The following CDH13 variants were observed in gnomAD, a reference collection of about 807,000 sequenced individuals.
CDH13 encodes the protein cadherin 13, also known as cadherin-13.
In CDH13, 24 loss-of-function variants were observed where a neutral mutation model predicts 63.8. The ratio of observed to expected loss-of-function variants is 0.38; its 90% CI spans 0.27 to 0.53. The LOEUF (loss-of-function observed/expected upper bound fraction) is 0.53, where lower values mean the gene tolerates loss of function less well. Ranked by LOEUF, CDH13 falls within the 20% of genes least tolerant of loss-of-function variation. The pLI is 0.85. For synonymous variants in CDH13, 503 were observed against 355.3 expected, an observed-to-expected ratio of 1.42 and a Z score of -4.67; for missense variants, 1,049 against 903.1, an observed-to-expected ratio of 1.16 and a Z score of -2.07.
intron 2 of CDH13, among the ~76,000 whole-genome samples, chr16:82,918,535 G>C (rs936327627): frequency 7.6e-6 from 1 of 131,630 alleles, no homozygotes; most frequent in Non-Finnish European, 1.6e-5. Context: ...TTGAGACATA[G>C]TGTCACTCTG....
chr16:83,542,366 G>A (rs2075310074), intron 7 of CDH13, among the ~76,000 whole-genome samples: 1 of 152,176 alleles, frequency 6.6e-6, no homozygotes. Flanking sequence ...ACACTAGCCT[G>A]CGGCAGAATC....
intron 1 of CDH13, among the ~76,000 whole-genome samples, chr16:82,764,379 A>G (rs767993716): frequency 2.6e-5 from 4 of 152,158 alleles, no homozygotes; most frequent in Admixed American, 1.3e-4. Context: ...CTACTCTCTG[A>G]GGAGGATTCT....
intron 1 of CDH13, among the ~76,000 whole-genome samples, chr16:82,788,501 G>T (rs1038218935): frequency 6.6e-6 from 1 of 152,166 alleles, no homozygotes; most frequent in African/African-American, 2.4e-5. Flanking sequence ...CACCACTGCT[G>T]GTCTTTAACT....
At chr16:82,884,316 CA>C in intron 2 of CDH13, 2 of 422,728 alleles carry the variant, frequency 4.7e-6, no homozygotes, top group South Asian at 3.4e-5. Flanking sequence ...GAAAAGGAGG[CA>C]ACCTGGGGAG....
At chr16:83,523,007 A>G (rs1259856775) in intron 7 of CDH13, among the ~76,000 whole-genome samples, 1 of 152,144 alleles carries the variant, frequency 6.6e-6, no homozygotes, top group Non-Finnish European at 1.5e-5. Flanking sequence ...CACCTGGCTG[A>G]ATTATACTCA....
At chr16:82,967,547 C>T (rs936995757) in intron 2 of CDH13, among the ~76,000 whole-genome samples, 2 of 152,178 alleles carry the variant, frequency 1.3e-5, no homozygotes, top group African/African-American at 2.4e-5. Flanking sequence ...TTCCCCTTGG[C>T]GTGGGAAGCC....
At chr16:82,748,834 C>T (rs540983081) in intron 1 of CDH13, among the ~76,000 whole-genome samples, 3 of 152,266 alleles carry the variant, frequency 2.0e-5, no homozygotes, top group Admixed American at 6.5e-5. Flanking sequence ...TTCCCTCCTG[C>T]CACTGCCTAT....
intron 3 of CDH13, among the ~76,000 whole-genome samples, chr16:83,081,093 C>T (rs1002302956): frequency 1.3e-5 from 2 of 151,736 alleles, no homozygotes; most frequent in African/African-American, 4.8e-5. Flanking sequence ...GTTGGTCAGG[C>T]TGGTCTCGAA....
chr16:82,681,680 A>T (rs1207614513), intron 1 of CDH13, among the ~76,000 whole-genome samples: 1 of 152,182 alleles, frequency 6.6e-6, no homozygotes, highest in African/African-American at 2.4e-5. Flanking sequence ...CTGCCAGCTC[A>T]GCTTCCAGTA....
At chr16:83,620,653 A>G (rs901600212) in intron 8 of CDH13, among the ~76,000 whole-genome samples, 2 of 152,138 alleles carry the variant, frequency 1.3e-5, no homozygotes, top group East Asian at 3.9e-4. Flanking sequence ...TCTCTCACCT[A>G]ATACTTGCAC....
At chr16:82,807,066 GC>G (rs1235072774) in intron 1 of CDH13, among the ~76,000 whole-genome samples, 3 of 149,408 alleles carry the variant, frequency 2.0e-5, no homozygotes, top group Non-Finnish European at 4.4e-5. Context: ...CTAAGTATAA[GC>G]TTTTGCAGTT....
chr16:83,368,614 C>G (rs1342118367), intron 6 of CDH13, among the ~76,000 whole-genome samples: 1 of 151,256 alleles, frequency 6.6e-6, no homozygotes, highest in Non-Finnish European at 1.5e-5. Context: ...TTTGGTGTAC[C>G]CATCACCCGA....
chr16:83,087,433 G>T (rs893563586), intron 3 of CDH13, among the ~76,000 whole-genome samples: 1 of 151,972 alleles, frequency 6.6e-6, no homozygotes, highest in African/African-American at 2.4e-5. Context: ...ACTTTGAGAG[G>T]CCGAGGCGGG....
At chr16:82,904,370 A>C (rs1445190553) in intron 2 of CDH13, among the ~76,000 whole-genome samples, 2 of 152,108 alleles carry the variant, frequency 1.3e-5, no homozygotes, top group Middle Eastern at 3.2e-3. Context: ...TTTCTCTCTA[A>C]AGAGAGATTG....
chr16:82,971,029 C>T (rs1029653400), intron 2 of CDH13, among the ~76,000 whole-genome samples: 1 of 152,140 alleles, frequency 6.6e-6, no homozygotes, highest in South Asian at 2.1e-4. Flanking sequence ...CACCTATATC[C>T]TTTCCTTTTA....
At chr16:83,682,721 A>G (rs1915507590) in intron 10 of CDH13, among the ~76,000 whole-genome samples, 1 of 151,182 alleles carries the variant, frequency 6.6e-6, no homozygotes, top group Non-Finnish European at 1.5e-5. Context: ...TCCCCACCCC[A>G]CCATCTCTGT....
intron 2 of CDH13, among the ~76,000 whole-genome samples, chr16:82,867,024 G>C (rs1162555466): frequency 6.6e-6 from 1 of 152,234 alleles, no homozygotes; most frequent in East Asian, 1.9e-4. Context: ...GTGTGGACAA[G>C]TATGGCCTCC....
chr16:83,207,031 A>G (rs1423359003), intron 4 of CDH13, among the ~76,000 whole-genome samples: 4 of 152,246 alleles, frequency 2.6e-5, no homozygotes, highest in African/African-American at 9.6e-5. Context: ...AGAGGATCTG[A>G]ATAGTTTAAT....
intron 6 of CDH13, among the ~76,000 whole-genome samples, chr16:83,362,098 A>G (rs993096165): frequency 5.3e-5 from 8 of 152,186 alleles, no homozygotes; most frequent in Non-Finnish European, 1.0e-4. Flanking sequence ...AAAATTAGTC[A>G]TAAGTCCCCT....
Sources: gnomAD v4.1 joint callset for allele counts (sites outside exome capture counted in the v4.1 genomes callset) on GRCh38, gnomAD v4.1.1 for gene constraint, MANE v1.5 for transcripts, NCBI Gene and HGNC (gene_info 2026-07-23, HGNC 2026-07-21) for gene names.